The following STYX variants were observed in gnomAD, a reference collection of about 807,000 sequenced individuals.
STYX encodes serine/threonine/tyrosine interacting protein.
Under a neutral mutation model 42.7 loss-of-function variants are expected in STYX, and 20 were observed. The observed-to-expected ratio is 0.47, with a 90% CI of 0.33 to 0.68. STYX has a LOEUF of 0.68. Ranked by LOEUF, STYX falls within the 30% of genes least tolerant of loss-of-function variation. STYX has a pLI of 0.02. For missense variants in STYX, 226 were observed against 268.5 expected (o/e 0.84, Z 1.11); for synonymous variants, 78 against 81.9 (o/e 0.95, Z 0.26).
At chr14:52,744,711 C>T (rs1881327445) in intron 1 of STYX, 141 bp from the exon 2 acceptor site, 10 of 720,746 alleles carry the variant, frequency 1.4e-5, no homozygotes, top group South Asian at 3.9e-5. Context: ...TTTGTGAAAC[C>T]AAGTCTGCTA....
At chr14:52,760,744 G>C (rs1882058339) in intron 9 of STYX, among the ~76,000 whole-genome samples, 1 of 151,420 alleles carries the variant, frequency 6.6e-6, no homozygotes, top group Non-Finnish European at 1.5e-5. Flanking sequence ...TTCTAACTTT[G>C]TAAGTTTCTT....
chr14:52,746,572 G>C, intron 3 of STYX, 93 bp downstream of exon 3: 1 of 1,090,628 alleles, frequency 9.2e-7, no homozygotes. Flanking sequence ...ATTTTAGGGA[G>C]CATCCACAAA....
At chr14:52,737,155 T>A (rs1221304701) in intron 1 of STYX, among the ~76,000 whole-genome samples, 1 of 152,186 alleles carries the variant, frequency 6.6e-6, no homozygotes, top group Non-Finnish European at 1.5e-5. Context: ...TATGAACATA[T>A]CCCCTGTGGA....
chr14:52,762,882 CTT>C (rs869029320), intron 9 of STYX, among the ~76,000 whole-genome samples: 7 of 26,842 alleles, frequency 2.6e-4, no homozygotes, highest in African/African-American at 8.9e-4. Context: ...TTCTTTCTTT[CTT>C]TTTTTTTTTT....
chr14:52,762,878 CTTTCTTTTTTTTTTTTTT>C (rs1397232226), intron 9 of STYX, among the ~76,000 whole-genome samples: 11 of 77,430 alleles, frequency 1.4e-4, no homozygotes, highest in Non-Finnish European at 2.0e-4. Context: ...TTCTTTCTTT[CTTTCTTTTTTTTTTTTTT>C]TTTTTTTTTT....
At chr14:52,744,527 T>C (rs1366710221) in intron 1 of STYX, among the ~76,000 whole-genome samples, 1 of 152,238 alleles carries the variant, frequency 6.6e-6, no homozygotes, top group South Asian at 2.1e-4. Flanking sequence ...AAAAAATCTA[T>C]TGGCATCTCT....
intron 8 of STYX, 64 bp from the exon 9 acceptor site, chr14:52,759,618 T>C: frequency 8.9e-7 from 1 of 1,129,112 alleles, no homozygotes; most frequent in Non-Finnish European, 1.3e-6. Flanking sequence ...TATTGCTAAG[T>C]TGTATGATTA....
rs547936299 is a variant in STYX, at chr14:52,771,331, GCA to G, written c.*234_*235del. 6 of 418,552 alleles carry G rather than the reference GCA, an allele frequency of 1.4e-5. No homozygotes were observed. The highest frequency in any genetic ancestry group is 4.0e-5 in the Admixed American group (1 of 24,728). The allele number at this position is 418,552 out of a possible 1,614,324, so 25.9% of individuals were successfully genotyped here. A position where few individuals can be genotyped will look rare whatever the true frequency, so the allele number is the denominator to read the frequency against. ...CCTTTTTTTAAAAACACATGCGCGCGCACACACACATGCTTTACAAGTTTTAT... is the reference window on the plus strand; with the variant it reads ...CCTTTTTTTAAAAACACATGCGCGCGCACACACATGCTTTACAAGTTTTAT... On this transcript the variant is annotated 3_prime_UTR_variant, in exon 11 of 11. Transcript: ENST00000354586.
chr14:52,757,468 C>T (rs1450734181), intron 6 of STYX, 113 bp downstream of exon 6: 1 of 988,880 alleles, frequency 1.0e-6, no homozygotes, highest in African/African-American at 1.6e-5. Flanking sequence ...TATGTAGTAG[C>T]TTACTCCCAA....
At position 52,772,506 on chromosome 14, in the gene STYX, T is replaced by C. The variant is rs1279019589; in HGVS notation, c.*1400T>C. 1 of 152,612 alleles carries C rather than the reference T, an allele frequency of 6.6e-6. No individual in the cohort carries two copies. The highest frequency in any genetic ancestry group is 1.5e-5 in the Non-Finnish European group (1 of 68,016). The allele number at this position is 152,612 out of a possible 1,614,324, so 9.5% of individuals were successfully genotyped here. ...AGGGAAGAGAGGAGTGTTTTTAACT[T>C]TTTATAGTTGATGACTTTAGGGTAG... is the stretch of plus-strand genomic sequence containing the variant. On this transcript the variant is annotated 3_prime_UTR_variant, in exon 11 of 11. Coordinates refer to ENST00000354586, the MANE Select transcript of STYX (RefSeq NM_145251.4).
chr14:52,752,654 A>C (rs901198733), intron 4 of STYX, among the ~76,000 whole-genome samples: 1 of 152,108 alleles, frequency 6.6e-6, no homozygotes, highest in African/African-American at 2.4e-5. Flanking sequence ...ATAATGCATT[A>C]CATGAATAAA....
intron 1 of STYX, among the ~76,000 whole-genome samples, chr14:52,733,682 G>A (rs1200718317): frequency 1.3e-5 from 2 of 152,178 alleles, no homozygotes; most frequent in Admixed American, 6.5e-5. Context: ...CAGCCAGTAG[G>A]AAGAGATGAA....
chr14:52,755,121 G>GC, intron 4 of STYX, among the ~76,000 whole-genome samples: 1 of 139,308 alleles, frequency 7.2e-6, no homozygotes, highest in East Asian at 2.1e-4. Flanking sequence ...TTGTTTTTTT[G>GC]TTTTTTTTTT....
intron 8 of STYX, 76 bp from the exon 9 acceptor site, chr14:52,759,606 T>G: frequency 1.0e-6 from 1 of 979,804 alleles, no homozygotes; most frequent in Admixed American, 2.2e-5. Context: ...ATTACCCCTC[T>G]CTATTGCTAA....
At chr14:52,733,204 A>G (rs1168115194) in intron 1 of STYX, among the ~76,000 whole-genome samples, 1 of 152,154 alleles carries the variant, frequency 6.6e-6, no homozygotes, top group Non-Finnish European at 1.5e-5. Context: ...TAAAAATTCT[A>G]GTTTAAAATT....
chr14:52,740,531 C>T (rs1266590632), intron 1 of STYX, among the ~76,000 whole-genome samples: 1 of 152,216 alleles, frequency 6.6e-6, no homozygotes, highest in Non-Finnish European at 1.5e-5. Flanking sequence ...TACTTAGGTT[C>T]TCTATGACTA....
intron 1 of STYX, among the ~76,000 whole-genome samples, chr14:52,732,704 CTT>C (rs887854396): frequency 9.2e-5 from 14 of 151,986 alleles, no homozygotes; most frequent in Non-Finnish European, 1.5e-4. Context: ...GAGTTTCACT[CTT>C]GTTGCCCAGG....
intron 4 of STYX, among the ~76,000 whole-genome samples, chr14:52,752,108 C>G (rs1215616399): frequency 1.3e-5 from 2 of 150,786 alleles, no homozygotes; most frequent in African/African-American, 4.9e-5. Flanking sequence ...TACAGTGAGC[C>G]GAGATCACAC....
intron 4 of STYX, among the ~76,000 whole-genome samples, chr14:52,753,963 C>T (rs1003660115): frequency 3.0e-5 from 4 of 134,430 alleles, no homozygotes; most frequent in Non-Finnish European, 6.1e-5. Flanking sequence ...ATGCAGGGCT[C>T]ACTGCAACCT....
Sources: gnomAD v4.1 joint callset for allele counts (sites outside exome capture counted in the v4.1 genomes callset) on GRCh38, gnomAD v4.1.1 for gene constraint, MANE v1.5 for transcripts, NCBI Gene and HGNC (gene_info 2026-07-23, HGNC 2026-07-21) for gene names.